The following LRRTM4 variants were observed in gnomAD, a reference collection of about 807,000 sequenced individuals.
The protein encoded by LRRTM4 is leucine rich repeat transmembrane neuronal 4.
LRRTM4 carries 25 observed loss-of-function variants against 47.6 expected under a neutral mutation model. That is an observed-to-expected ratio of 0.53 (90% CI 0.38 to 0.73). The LOEUF is 0.73. Ranked by LOEUF, LRRTM4 falls within the 30% of genes least tolerant of loss-of-function variation. LRRTM4 has a pLI of 0.00. For missense variants in LRRTM4, 638 were observed against 713.4 expected, an observed-to-expected ratio of 0.89 and a Z score of 1.20; for synonymous variants, 311 against 269.5, an observed-to-expected ratio of 1.15 and a Z score of -1.51.
At chr2:77,328,056 G>GT (rs1349889888) in intron 3 of LRRTM4, among the ~76,000 whole-genome samples, 3 of 152,130 alleles carry the variant, frequency 2.0e-5, no homozygotes, top group African/African-American at 7.2e-5. Context: ...ATCAAAATAC[G>GT]TGTGTTGAGA....
In LRRTM4 at chr2:77,351,391, G is replaced by A. The variant is rs569763515; in HGVS notation, c.1551+166927C>T. ...CTATATTTGAAGATGTAAGTGTAAT[G>A]ATGTTTATTGCAGTATTTATTAAAA... On this transcript the variant is annotated intron_variant, in intron 3 of 3. Transcript: ENST00000409884. 4.6e-5 allele frequency among the ~76,000 whole-genome samples: 7 copies of A among 151,892 alleles called. No individual in the cohort carries two copies. The South Asian group carries it at 1.5e-3, about 32-fold the overall frequency.
At chr2:77,442,646 A>G (rs928132171) in intron 3 of LRRTM4, among the ~76,000 whole-genome samples, 11 of 152,220 alleles carry the variant, frequency 7.2e-5, no homozygotes, top group Non-Finnish European at 1.5e-4. Context: ...TATATCCAAC[A>G]TACATTTTTG....
At chr2:77,405,027 A>G (rs1403713486) in intron 3 of LRRTM4, among the ~76,000 whole-genome samples, 1 of 152,096 alleles carries the variant, frequency 6.6e-6, no homozygotes, top group Non-Finnish European at 1.5e-5. Context: ...ATTTTTTAAG[A>G]TAAATTTATA....
At chr2:77,292,425 T>C (rs1414809196) in intron 3 of LRRTM4, among the ~76,000 whole-genome samples, 1 of 151,942 alleles carries the variant, frequency 6.6e-6, no homozygotes, top group South Asian at 2.1e-4. Context: ...CTATTCACAA[T>C]AGCAAAGACT....
chr2:77,231,520 A>C (rs1558645124), intron 3 of LRRTM4, among the ~76,000 whole-genome samples: 1 of 152,054 alleles, frequency 6.6e-6, no homozygotes, highest in Non-Finnish European at 1.5e-5. Flanking sequence ...TTTATATTTT[A>C]TATTTTAATT....
intron 3 of LRRTM4, among the ~76,000 whole-genome samples, chr2:77,375,006 TA>T (rs1319194810): frequency 1.3e-5 from 2 of 151,726 alleles, no homozygotes; most frequent in Non-Finnish European, 3.0e-5. Context: ...CTACCTTTCA[TA>T]TTTCCTACTT....
At chr2:77,374,915 A>C (rs1346004256) in intron 3 of LRRTM4, among the ~76,000 whole-genome samples, 1 of 151,708 alleles carries the variant, frequency 6.6e-6, no homozygotes, top group African/African-American at 2.4e-5. Flanking sequence ...AGTTTCCAGA[A>C]GAACCTCCTC....
At chr2:77,114,603 A>G (rs1486905779) in intron 3 of LRRTM4, among the ~76,000 whole-genome samples, 1 of 152,182 alleles carries the variant, frequency 6.6e-6, no homozygotes, top group Non-Finnish European at 1.5e-5. Context: ...CAGGGGAACC[A>G]GCCCCCAATA....
chr2:77,399,376 A>G (rs984410940), intron 3 of LRRTM4, among the ~76,000 whole-genome samples: 2 of 151,770 alleles, frequency 1.3e-5, no homozygotes, highest in Non-Finnish European at 2.9e-5. Flanking sequence ...CAATTTTCAA[A>G]AATTGGCACA....
Position 77,108,708 on chromosome 2 carries a change from C to A in LRRTM4, c.1552-359792G>T, listed in dbSNP as rs895254926. On this transcript the variant is annotated intron_variant, in intron 3 of 3. Transcript: ENST00000409884. The stretch of plus-strand genomic sequence containing the variant: ...ACGCCATTCTCCTGCCTCAGCCTCC[C>A]AAGTAGCTGGGACTACAGGCGCCCG... Among the ~76,000 whole-genome samples the A allele has an allele frequency of 4.0e-5, 6 of 151,606 alleles. No individual in the cohort carries two copies. The East Asian group carries it at 1.2e-3, about 29-fold the overall frequency.
intron 3 of LRRTM4, among the ~76,000 whole-genome samples, chr2:76,768,112 G>C (rs1395452612): frequency 6.6e-6 from 1 of 152,110 alleles, no homozygotes; most frequent in Non-Finnish European, 1.5e-5. Context: ...ATATTATATA[G>C]AGATAGAATC....
intron 3 of LRRTM4, among the ~76,000 whole-genome samples, chr2:77,318,908 G>A (rs369489338): frequency 6.6e-6 from 1 of 151,522 alleles, no homozygotes; most frequent in Non-Finnish European, 1.5e-5. Flanking sequence ...TTGAAACAAT[G>A]TTTCAAGATA....
Position 76,953,559 on chromosome 2 carries a change from C to A in LRRTM4, c.1552-204643G>T, listed in dbSNP as rs1012248826. ...ATATTTCATCATTTTTGGGAAGCTG[C>A]CCAAGGGACTGACTAGGAGCACTGA... On this transcript the variant is annotated intron_variant, in intron 3 of 3. Transcript: ENST00000409884. Among the ~76,000 whole-genome samples, 6 of 151,666 alleles carry A rather than the reference C, an allele frequency of 4.0e-5. No individual in the cohort carries two copies. In the East Asian group the frequency reaches 1.2e-3, roughly 30 times the overall value.
chr2:76,825,590 C>G (rs1191510275), intron 3 of LRRTM4, among the ~76,000 whole-genome samples: 1 of 151,508 alleles, frequency 6.6e-6, no homozygotes, highest in Non-Finnish European at 1.5e-5. Context: ...CATTTTGTAT[C>G]CATTTAGGGT....
chr2:77,511,752 T>A (rs1354831196), intron 3 of LRRTM4, among the ~76,000 whole-genome samples: 2 of 152,076 alleles, frequency 1.3e-5, no homozygotes, highest in Admixed American at 6.6e-5. Flanking sequence ...TCACCATTTT[T>A]AAATATTTTA....
chr2:77,102,208 C>T (rs771973958), intron 3 of LRRTM4, among the ~76,000 whole-genome samples: 1 of 152,182 alleles, frequency 6.6e-6, no homozygotes, highest in African/African-American at 2.4e-5. Context: ...ACCACAACCC[C>T]GCACCCTCAT....
At chr2:77,381,284 T>C (rs181972825) in intron 3 of LRRTM4, among the ~76,000 whole-genome samples, 1 of 152,202 alleles carries the variant, frequency 6.6e-6, no homozygotes, top group African/African-American at 2.4e-5. Flanking sequence ...CAGAAGTCAA[T>C]GGGCTTTCCA....
intron 3 of LRRTM4, among the ~76,000 whole-genome samples, chr2:77,089,307 C>G (rs116034321): frequency 0.015 from 2,311 of 150,386 alleles, 53 homozygotes; most frequent in African/African-American, 0.05. Context: ...CTCCTTCACT[C>G]TTACCAAGTC....
At chr2:77,452,790 A>T (rs1338063798) in intron 3 of LRRTM4, among the ~76,000 whole-genome samples, 1 of 152,196 alleles carries the variant, frequency 6.6e-6, no homozygotes, top group Non-Finnish European at 1.5e-5. Flanking sequence ...GTCAACAATA[A>T]CTAAAATGAT....
Sources: gnomAD v4.1 joint callset for allele counts (sites outside exome capture counted in the v4.1 genomes callset) on GRCh38, gnomAD v4.1.1 for gene constraint, MANE v1.5 for transcripts, NCBI Gene and HGNC (gene_info 2026-07-23, HGNC 2026-07-21) for gene names.